OCA2: variants seen among roughly 807,000 people sequenced by gnomAD.
The protein encoded by OCA2 is OCA2 melanosomal transmembrane protein.
OCA2 carries 77 observed loss-of-function variants against 100.2 expected under a neutral mutation model. The ratio of observed to expected loss-of-function variants is 0.77; its 90% CI spans 0.64 to 0.93. OCA2 has a LOEUF of 0.93. Ranked by LOEUF, OCA2 falls within the 40% of genes least tolerant of loss-of-function variation. OCA2 has a pLI of 0.00. For synonymous variants in OCA2, 432 were observed against 439.2 expected, an observed-to-expected ratio of 0.98 and a Z score of 0.21; for missense variants, 1,062 against 1,089.1, an observed-to-expected ratio of 0.98 and a Z score of 0.35.
chr15:28,060,178 G>A lies in OCA2; in HGVS notation c.227+21470C>T, dbSNP rs371331027. 2.0e-5 allele frequency among the ~76,000 whole-genome samples: 3 copies of A among 152,316 alleles called. No individual in the cohort carries two copies. In the South Asian group the frequency reaches 6.2e-4, roughly 32 times the overall value. ...GGCCCCGCACTGAGGCAGGTGGGAAGTGTAGGTCCCCAGCATGCCTGCCTG... is the reference window on the plus strand; with the variant it reads ...GGCCCCGCACTGAGGCAGGTGGGAAATGTAGGTCCCCAGCATGCCTGCCTG... On this transcript the variant is annotated intron_variant, in intron 2 of 23. Coordinates refer to ENST00000354638, the MANE Select transcript of OCA2 (RefSeq NM_000275.3).
chr15:27,952,260 G>A (rs1265386738), intron 17 of OCA2, among the ~76,000 whole-genome samples: 3 of 152,172 alleles, frequency 2.0e-5, no homozygotes, highest in African/African-American at 4.8e-5. Context: ...GCCTTCTCAC[G>A]GAACTGTGAC....
intron 19 of OCA2, among the ~76,000 whole-genome samples, chr15:27,905,596 G>A (rs1056957434): frequency 6.6e-6 from 1 of 152,212 alleles, no homozygotes; most frequent in African/African-American, 2.4e-5. Context: ...AAAGAGCAAA[G>A]AGGAAGGGAA....
At chr15:27,844,633 G>C (rs761879000) in intron 23 of OCA2, among the ~76,000 whole-genome samples, 7 of 152,046 alleles carry the variant, frequency 4.6e-5, no homozygotes, top group Non-Finnish European at 7.4e-5. Flanking sequence ...TGAGTAGCTG[G>C]GATTACAGGT....
At chr15:27,816,462 G>A (rs1323386270) in intron 23 of OCA2, among the ~76,000 whole-genome samples, 1 of 152,152 alleles carries the variant, frequency 6.6e-6, no homozygotes, top group Non-Finnish European at 1.5e-5. Context: ...TACTTCATTT[G>A]TTCAAGAAAG....
At chr15:27,966,023 T>G (rs890007196) in intron 15 of OCA2, among the ~76,000 whole-genome samples, 4 of 152,132 alleles carry the variant, frequency 2.6e-5, no homozygotes, top group Non-Finnish European at 5.9e-5. Context: ...CAGGCTGGAG[T>G]GCAGTGGCAC....
chr15:27,760,981 G>GA (rs1233214491), intron 23 of OCA2, among the ~76,000 whole-genome samples: 2 of 151,900 alleles, frequency 1.3e-5, no homozygotes, highest in Non-Finnish European at 2.9e-5. Context: ...GGAAGCAAAT[G>GA]AAAAAACTAC....
At chr15:28,023,178 G>C (rs1454115179) in intron 5 of OCA2, among the ~76,000 whole-genome samples, 1 of 152,188 alleles carries the variant, frequency 6.6e-6, no homozygotes, top group Non-Finnish European at 1.5e-5. Context: ...CTGAGCAGCA[G>C]GGCTTCAGAA....
intron 19 of OCA2, among the ~76,000 whole-genome samples, chr15:27,884,345 A>C (rs2037141284): frequency 6.6e-6 from 1 of 152,238 alleles, no homozygotes; most frequent in South Asian, 2.1e-4. Context: ...ACTGCACTCC[A>C]GCCTCAGTGA....
At chr15:27,814,257 G>A (rs1018689150) in intron 23 of OCA2, among the ~76,000 whole-genome samples, 5 of 151,970 alleles carry the variant, frequency 3.3e-5, no homozygotes, top group African/African-American at 1.2e-4. Context: ...AGTAGAAGGA[G>A]AAGAATGTGA....
intron 3 of OCA2, 140 bp downstream of exon 3, chr15:28,031,925 C>T (rs1303450045): frequency 1.1e-5 from 8 of 740,356 alleles, no homozygotes; most frequent in East Asian, 7.4e-5. Flanking sequence ...GAATCATGAA[C>T]ATCTACTACA....
At chr15:27,764,443 A>T (rs1448817206) in intron 23 of OCA2, among the ~76,000 whole-genome samples, 1 of 152,096 alleles carries the variant, frequency 6.6e-6, no homozygotes, top group Non-Finnish European at 1.5e-5. Flanking sequence ...CATGAATGAA[A>T]ATCTCCCCTT....
chr15:27,941,743 C>T (rs191522314), intron 18 of OCA2, among the ~76,000 whole-genome samples: 10 of 152,192 alleles, frequency 6.6e-5, no homozygotes, highest in Admixed American at 5.9e-4. Context: ...AAGGGAGATT[C>T]AAATGGGCAA....
At chr15:28,027,593 GC>G in intron 4 of OCA2, among the ~76,000 whole-genome samples, 1 of 152,208 alleles carries the variant, frequency 6.6e-6, no homozygotes, top group African/African-American at 2.4e-5. Flanking sequence ...AAACCTAATG[GC>G]CATGAAGACC....
intron 6 of OCA2, among the ~76,000 whole-genome samples, chr15:28,020,032 C>G (rs533604898): frequency 1.3e-5 from 2 of 152,322 alleles, no homozygotes; most frequent in South Asian, 2.1e-4. Context: ...CGTCTTCCCC[C>G]CTGCGGCCTT....
chr15:27,743,035 C>T, the OCA2 span, among the ~76,000 whole-genome samples: 2 of 152,358 alleles, frequency 1.3e-5, no homozygotes, highest in African/African-American at 4.8e-5. Flanking sequence ...TCAGGGTAGA[C>T]ATTCCGCAAG....
intron 18 of OCA2, among the ~76,000 whole-genome samples, chr15:27,937,263 A>T (rs2039489726): frequency 6.6e-6 from 1 of 152,152 alleles, no homozygotes; most frequent in Non-Finnish European, 1.5e-5. Context: ...TTATTTCTGT[A>T]TAGTATTCCA....
At chr15:27,942,377 T>C (rs1222231660) in intron 18 of OCA2, among the ~76,000 whole-genome samples, 3 of 151,914 alleles carry the variant, frequency 2.0e-5, no homozygotes, top group Non-Finnish European at 4.4e-5. Context: ...GAAAATGTTA[T>C]GCTAAGTGAA....
At chr15:27,876,108 TTAAG>T (rs1351711809) in intron 19 of OCA2, among the ~76,000 whole-genome samples, 1 of 152,134 alleles carries the variant, frequency 6.6e-6, no homozygotes, top group Non-Finnish European at 1.5e-5. Flanking sequence ...GGAAAAATAA[TTAAG>T]TTTTTCGCCA....
At chr15:27,861,782 G>C (rs1467829160) in intron 21 of OCA2, among the ~76,000 whole-genome samples, 1 of 152,188 alleles carries the variant, frequency 6.6e-6, no homozygotes, top group Non-Finnish European at 1.5e-5. Flanking sequence ...GAAGTGTCTG[G>C]CTACAGGAAA....
Sources: gnomAD v4.1 joint callset for allele counts (sites outside exome capture counted in the v4.1 genomes callset) on GRCh38, gnomAD v4.1.1 for gene constraint, MANE v1.5 for transcripts, NCBI Gene and HGNC (gene_info 2026-07-23, HGNC 2026-07-21) for gene names.